The following TOX2 variants were observed in gnomAD, a reference collection of about 807,000 sequenced individuals.
The protein encoded by TOX2 is TOX high mobility group box family member 2, also known as granulosa cell HMG box 1.
A neutral mutation model predicts 47.4 loss-of-function variants in TOX2; 15 were observed. That is an observed-to-expected ratio of 0.32 (90% CI 0.21 to 0.49). The LOEUF is 0.49. TOX2 is among the 20% of genes least tolerant of loss of function. The pLI, the probability that TOX2 is intolerant of heterozygous loss-of-function variation, is 0.99. For missense variants in TOX2, 622 were observed against 673.1 expected, an observed-to-expected ratio of 0.92 and a Z score of 0.84; for synonymous variants, 290 against 296.6, an observed-to-expected ratio of 0.98 and a Z score of 0.23.
rs1220595094 is a variant in TOX2 at position 43,949,723 on chromosome 20, T to G, written c.100-23644T>G. ...GGTGTGGTCACGACATCCACGGCTT[T>G]CCAGAAGCCTTCTCTGATTGCCCCC... On this transcript the variant is annotated intron_variant, in intron 1 of 8. Coordinates refer to ENST00000341197, the MANE Select transcript of TOX2 (RefSeq NM_001098797.2). Among the ~76,000 whole-genome samples, 5 of 152,318 alleles carry G rather than the reference T, an allele frequency of 3.3e-5. No homozygotes were observed. The East Asian group carries it at 9.6e-4, about 29-fold the overall frequency.
chr20:43,986,572 G>C (rs547629031), intron 2 of TOX2, among the ~76,000 whole-genome samples: 3 of 152,200 alleles, frequency 2.0e-5, no homozygotes, highest in Non-Finnish European at 2.9e-5. Context: ...GTGAGCCACT[G>C]TGCCCGGCTT....
chr20:44,060,139 C>T lies in TOX2; in HGVS notation c.880-4638C>T, dbSNP rs143636983. Among the ~76,000 whole-genome samples the T allele has an allele frequency of 5.3e-3, 811 of 152,096 alleles. 9 individuals carry two copies. The highest frequency in any genetic ancestry group is 0.018 in the African/African-American group (757 of 41,500). Reference sequence around the variant, plus strand: ...TCAGACCAAACAAACTTTAAAGCAACGGCAGTTGAAAAAGACAAAGAGGGA... The same window carrying T: ...TCAGACCAAACAAACTTTAAAGCAATGGCAGTTGAAAAAGACAAAGAGGGA... On this transcript the variant is annotated intron_variant, in intron 5 of 8. Coordinates refer to ENST00000341197, the MANE Select transcript of TOX2 (RefSeq NM_001098797.2).
intron 3 of TOX2, among the ~76,000 whole-genome samples, chr20:44,008,347 G>T (rs1298254371): frequency 6.6e-6 from 1 of 152,050 alleles, no homozygotes; most frequent in Non-Finnish European, 1.5e-5. Context: ...ATCACTTGAG[G>T]CCAGGAGTTC....
intron 3 of TOX2, among the ~76,000 whole-genome samples, chr20:44,048,953 A>G (rs760731017): frequency 1.3e-5 from 2 of 152,222 alleles, no homozygotes; most frequent in Non-Finnish European, 2.9e-5. Context: ...CCTGGCCAAT[A>G]TGGCGAAACC....
intron 1 of TOX2, among the ~76,000 whole-genome samples, chr20:43,918,240 G>C (rs1037578182): frequency 2.1e-4 from 32 of 152,208 alleles, no homozygotes; most frequent in African/African-American, 7.7e-4. Context: ...CTAGCCATCA[G>C]AACTGGGCAA....
At chr20:43,936,749 TTTG>T (rs1396007518) in intron 1 of TOX2, among the ~76,000 whole-genome samples, 1 of 152,236 alleles carries the variant, frequency 6.6e-6, no homozygotes, top group East Asian at 1.9e-4. Flanking sequence ...TTGTGTCACC[TTTG>T]TTGTTGTCCC....
chr20:43,956,337 G>C (rs1406203501), intron 1 of TOX2, among the ~76,000 whole-genome samples: 1 of 152,150 alleles, frequency 6.6e-6, no homozygotes, highest in Non-Finnish European at 1.5e-5. Flanking sequence ...GAGGTGGGTG[G>C]ATCACCTGAG....
intron 3 of TOX2, among the ~76,000 whole-genome samples, chr20:44,040,421 G>A (rs1268364877): frequency 6.6e-6 from 1 of 152,144 alleles, no homozygotes; most frequent in Non-Finnish European, 1.5e-5. Flanking sequence ...GAGCTGGGAG[G>A]GGAGGCAGCA....
chr20:43,927,110 G>A (rs2145838978), intron 1 of TOX2, among the ~76,000 whole-genome samples: 1 of 152,260 alleles, frequency 6.6e-6, no homozygotes. Context: ...TCTGCATCTA[G>A]GAAAACCCAA....
At chr20:43,942,363 C>T (rs2069413186) in intron 1 of TOX2, among the ~76,000 whole-genome samples, 1 of 152,152 alleles carries the variant, frequency 6.6e-6, no homozygotes, top group Non-Finnish European at 1.5e-5. Flanking sequence ...TGTCCCTGCC[C>T]CTCACCCTGG....
At chr20:43,951,312 C>T (rs559484773) in intron 1 of TOX2, among the ~76,000 whole-genome samples, 3 of 152,142 alleles carry the variant, frequency 2.0e-5, no homozygotes, top group East Asian at 1.9e-4. Flanking sequence ...TGGTGGCTCA[C>T]GCTTGTAATC....
chr20:43,918,119 A>C (rs1397609049), intron 1 of TOX2, among the ~76,000 whole-genome samples: 1 of 152,152 alleles, frequency 6.6e-6, no homozygotes. Flanking sequence ...AGAGCCTGTA[A>C]CATCTTTCTT....
At chr20:44,037,631 A>G (rs980388715) in intron 3 of TOX2, among the ~76,000 whole-genome samples, 1 of 152,170 alleles carries the variant, frequency 6.6e-6, no homozygotes, top group Middle Eastern at 3.2e-3. Flanking sequence ...TGACTCTTCT[A>G]GCATGGTTCC....
At chr20:44,046,546 ACTGCC>A (rs2071411126) in intron 3 of TOX2, among the ~76,000 whole-genome samples, 1 of 152,184 alleles carries the variant, frequency 6.6e-6, no homozygotes, top group Non-Finnish European at 1.5e-5. Flanking sequence ...TGCCCAACCA[ACTGCC>A]TACCAGCAGA....
chr20:43,946,044 C>T, intron 1 of TOX2: 1 of 1,613,488 alleles, frequency 6.2e-7, no homozygotes. Flanking sequence ...AGAAGGTAAG[C>T]AGCGGGTGCC....
intron 5 of TOX2, among the ~76,000 whole-genome samples, chr20:44,057,456 C>T (rs1257389042): frequency 6.6e-6 from 1 of 152,052 alleles, no homozygotes; most frequent in Non-Finnish European, 1.5e-5. Flanking sequence ...ACTATTAATA[C>T]ACTAATAACC....
chr20:43,998,991 C>T (rs2070529969), intron 2 of TOX2, among the ~76,000 whole-genome samples: 1 of 152,164 alleles, frequency 6.6e-6, no homozygotes, highest in Non-Finnish European at 1.5e-5. Flanking sequence ...GACTCCTGAC[C>T]TGAGGTGATC....
At chr20:44,020,893 C>G (rs148246263) in intron 3 of TOX2, among the ~76,000 whole-genome samples, 1 of 152,258 alleles carries the variant, frequency 6.6e-6, no homozygotes, top group South Asian at 2.1e-4. Flanking sequence ...TTTTTCCCCC[C>G]AGAGGAACTC....
chr20:43,942,456 T>C (rs763706903), intron 1 of TOX2, among the ~76,000 whole-genome samples: 3 of 152,106 alleles, frequency 2.0e-5, no homozygotes, highest in South Asian at 2.1e-4. Context: ...GACGGGAGGA[T>C]TGCTTTAGGA....
Sources: gnomAD v4.1 joint callset for allele counts (sites outside exome capture counted in the v4.1 genomes callset) on GRCh38, gnomAD v4.1.1 for gene constraint, MANE v1.5 for transcripts, NCBI Gene and HGNC (gene_info 2026-07-23, HGNC 2026-07-21) for gene names.